PTK2B: variants seen among roughly 807,000 people sequenced by gnomAD.
The protein encoded by PTK2B is protein-tyrosine kinase 2-beta.
PTK2B carries 71 observed loss-of-function variants against 142.9 expected under a neutral mutation model. The observed-to-expected ratio is 0.50, with a 90% confidence interval of 0.41 to 0.61. The LOEUF (loss-of-function observed/expected upper bound fraction) is 0.61. Among genes scored for constraint, PTK2B ranks in the 20% least tolerant of loss-of-function variants. PTK2B has a pLI of 0.00. For missense variants in PTK2B, 1,105 were observed against 1,320.4 expected (o/e 0.84, Z 2.53); for synonymous variants, 519 against 503.4 (o/e 1.03, Z -0.42).
chr8:27,417,423 G>A (rs1451986663), intron 2 of PTK2B, among the ~76,000 whole-genome samples: 5 of 152,094 alleles, frequency 3.3e-5, no homozygotes, highest in Admixed American at 1.3e-4. Context: ...GTTGACTGGA[G>A]AGGCGGGAGG....
upstream of PTK2B, among the ~76,000 whole-genome samples, chr8:27,324,751 T>C (rs944835540): frequency 6.6e-6 from 1 of 152,188 alleles, no homozygotes. Flanking sequence ...AGGATGAGGA[T>C]GATGCTGCGT....
chr8:27,360,117 G>A (rs1238179799), intron 1 of PTK2B, among the ~76,000 whole-genome samples: 2 of 152,188 alleles, frequency 1.3e-5, no homozygotes, highest in Non-Finnish European at 2.9e-5. Flanking sequence ...GGGCCCAGTC[G>A]ACATTAGGTC....
At chr8:27,385,621 G>T (rs114161532) in intron 1 of PTK2B, among the ~76,000 whole-genome samples, 2,543 of 152,214 alleles carry the variant, frequency 0.017, 28 homozygotes, top group Middle Eastern at 0.051. Context: ...GGCCGGGCGC[G>T]ATGGCCCATG....
Position 27,439,041 on chromosome 8 carries a change from G to T in PTK2B, c.1654G>T (p.Val552Phe). The T allele has an allele frequency of 6.2e-7, 1 of 1,614,006 alleles. No homozygotes were observed. The highest frequency in any genetic ancestry group is 8.5e-7 in the Non-Finnish European group (1 of 1,179,870). ...SINCVHRDIA[V>F]RNILVASPEC... Reference sequence around the variant, plus strand: ...ATGCCCTTCTTCCAGGGACATTGCTGTCCGGAACATCCTGGTGGCCTCCCC... The same window carrying T: ...ATGCCCTTCTTCCAGGGACATTGCTTTCCGGAACATCCTGGTGGCCTCCCC... Residue 552 changes from valine to phenylalanine, a missense_variant, in exon 19 of 31, where the codon GTC becomes TTC. Val to Phe is a conservative substitution (Grantham distance 50, BLOSUM62 -1). Coordinates refer to ENST00000346049, the MANE Select transcript of PTK2B (RefSeq NM_173176.3).
chr8:27,314,793 A>G (rs978391437), intron 3 of PTK2B, among the ~76,000 whole-genome samples: 4 of 152,178 alleles, frequency 2.6e-5, no homozygotes, highest in Admixed American at 6.5e-5. Flanking sequence ...CAAGATGCCA[A>G]TAACCTGGAC....
At chr8:27,315,310 G>A (rs368287897) in intron 3 of PTK2B, among the ~76,000 whole-genome samples, 3 of 152,258 alleles carry the variant, frequency 2.0e-5, no homozygotes, top group African/African-American at 7.2e-5. Context: ...TGCATGCTAG[G>A]TGATTCTGAG....
At chr8:27,436,057 G>A (rs1810757853) in intron 14 of PTK2B, among the ~76,000 whole-genome samples, 194 bp from the exon 15 acceptor site, 4 of 152,164 alleles carry the variant, frequency 2.6e-5, no homozygotes, top group Admixed American at 1.3e-4. Flanking sequence ...TTCAGAGGGA[G>A]CAGGGTGATG....
rs1812305680 is a variant in PTK2B at position 27,458,606 on chromosome 8, C to T, written c.*97C>T. ...TCATGTGGGTCTTCCAGGGGGAAGG[C>T]CAAGGGGAGTCACCTTCCCTTGCCA... On this transcript the variant is annotated 3_prime_UTR_variant, in exon 31 of 31. Coordinates refer to ENST00000346049, the MANE Select transcript of PTK2B (RefSeq NM_173176.3). 1.3e-5 allele frequency: 17 copies of T among 1,288,182 alleles called. No homozygotes were observed. The highest frequency in any genetic ancestry group is 1.5e-5 in the Non-Finnish European group (14 of 934,444). 79.8% of individuals were successfully genotyped at this position (1,288,182 alleles called of 1,614,324 possible). A position where few individuals can be genotyped will look rare whatever the true frequency, so the allele number is the denominator to read the frequency against.
intron 1 of PTK2B, chr8:27,380,733 G>A (rs889470371): frequency 1.3e-5 from 2 of 152,202 alleles, no homozygotes; most frequent in African/African-American, 2.4e-5. Flanking sequence ...GCCCTGGGAG[G>A]GAGGCCTGCA....
At chr8:27,345,723 G>C (rs1464522635) in intron 1 of PTK2B, among the ~76,000 whole-genome samples, 1 of 152,202 alleles carries the variant, frequency 6.6e-6, no homozygotes, top group African/African-American at 2.4e-5. Context: ...GAGGTAGGCA[G>C]CTTCTATGAC....
chr8:27,421,011 A>G (rs1018859793), intron 4 of PTK2B, among the ~76,000 whole-genome samples: 9 of 152,190 alleles, frequency 5.9e-5, no homozygotes, highest in Non-Finnish European at 1.2e-4. Context: ...TGGCTAGTGA[A>G]ACAGCAAGAG....
At chr8:27,437,264 G>A (rs1810839495) in intron 16 of PTK2B, 58 bp downstream of exon 16, 2 of 1,570,004 alleles carry the variant, frequency 1.3e-6, no homozygotes, top group Admixed American at 3.3e-5. Flanking sequence ...AGCCTGGGAA[G>A]AGAGGGGTGA....
At chr8:27,349,575 C>A (rs909702233) in intron 1 of PTK2B, among the ~76,000 whole-genome samples, 1 of 152,212 alleles carries the variant, frequency 6.6e-6, no homozygotes, top group African/African-American at 2.4e-5. Flanking sequence ...TCCTGGGCCC[C>A]ACCCCCAACA....
intron 7 of PTK2B, 130 bp from the exon 8 acceptor site, chr8:27,430,746 C>T: frequency 1.5e-6 from 2 of 1,322,572 alleles, no homozygotes; most frequent in Non-Finnish European, 2.1e-6. Context: ...TCATAGATCA[C>T]AGCTGCTTTT....
rs547283358 is a variant in PTK2B, at chr8:27,388,596, G to A, written c.-37-8952G>A. Among the ~76,000 whole-genome samples the A allele has an allele frequency of 1.6e-4, 24 of 152,292 alleles. No homozygotes were observed. The East Asian group carries it at 3.9e-3, about 25-fold the overall frequency. The stretch of plus-strand genomic sequence containing the variant: ...ATCTGCCCTTTTTGCCCAGTCTGTC[G>A]CTGTTCAGACAGTGGTGTGCTGGAA... On this transcript the variant is annotated intron_variant, in intron 1 of 30. Transcript: ENST00000346049.
chr8:27,375,767 T>A (rs1806631908), intron 1 of PTK2B, among the ~76,000 whole-genome samples: 1 of 152,206 alleles, frequency 6.6e-6, no homozygotes, highest in African/African-American at 2.4e-5. Context: ...CCCAGCTATA[T>A]AGAAGCGTGC....
chr8:27,384,882 G>A (rs576810913), intron 1 of PTK2B, among the ~76,000 whole-genome samples: 6 of 152,216 alleles, frequency 3.9e-5, no homozygotes, highest in East Asian at 3.9e-4. Context: ...TAACAGCAAC[G>A]TTTTACCATT....
chr8:27,406,013 G>A (rs1397315702), intron 2 of PTK2B, among the ~76,000 whole-genome samples: 17 of 152,132 alleles, frequency 1.1e-4, no homozygotes, highest in Admixed American at 1.1e-3. Context: ...ATTTCTGGAG[G>A]CCAGAAGTCC....
chr8:27,420,123 G>T, intron 3 of PTK2B, 50 bp downstream of exon 3: 1 of 1,603,800 alleles, frequency 6.2e-7, no homozygotes. Flanking sequence ...GGAATTTAGG[G>T]TGGGGAGGCC....
Sources: gnomAD v4.1 joint callset for allele counts (sites outside exome capture counted in the v4.1 genomes callset) on GRCh38, gnomAD v4.1.1 for gene constraint, MANE v1.5 for transcripts, NCBI Gene and HGNC (gene_info 2026-07-23, HGNC 2026-07-21) for gene names.